SLC44A1: variants seen among roughly 807,000 people sequenced by gnomAD.
The protein encoded by SLC44A1 is solute carrier family 44 member 1.
A neutral mutation model predicts 79.3 loss-of-function variants in SLC44A1; 26 were observed. The ratio of observed to expected loss-of-function variants is 0.33; its 90% CI spans 0.24 to 0.46. The LOEUF is 0.46. SLC44A1 is among the 20% of genes least tolerant of loss of function. SLC44A1 has a pLI of 1.00. For synonymous variants in SLC44A1, 263 were observed against 286.2 expected (o/e 0.92, Z 0.82); for missense variants, 688 against 798.1 (o/e 0.86, Z 1.66).
chr9:105,388,572 A>G (rs980636329), intron 15 of SLC44A1, among the ~76,000 whole-genome samples: 2 of 152,238 alleles, frequency 1.3e-5, no homozygotes, highest in African/African-American at 2.4e-5. Flanking sequence ...CAGATCATTG[A>G]ACTAAACATG....
intron 1 of SLC44A1, among the ~76,000 whole-genome samples, chr9:105,246,497 A>AG: frequency 6.6e-6 from 1 of 151,830 alleles, no homozygotes; most frequent in South Asian, 2.1e-4. Context: ...GTAAAACTAT[A>AG]CGTAGAGGTG....
chr9:105,398,047 A>C (rs1828909398), downstream of SLC44A1, among the ~76,000 whole-genome samples: 1 of 152,232 alleles, frequency 6.6e-6, no homozygotes, highest in South Asian at 2.1e-4. Context: ...CCTGCACGTG[A>C]ATTGGAGCCT....
intron 15 of SLC44A1, among the ~76,000 whole-genome samples, chr9:105,409,409 G>A (rs542054650): frequency 1.3e-5 from 2 of 152,358 alleles, no homozygotes; most frequent in African/African-American, 4.8e-5. Context: ...TGTGGGCCAA[G>A]TGCAGTGGCT....
At chr9:105,418,580 A>G (rs1829205385) in intron 15 of SLC44A1, among the ~76,000 whole-genome samples, 1 of 152,162 alleles carries the variant, frequency 6.6e-6, no homozygotes, top group Admixed American at 6.5e-5. Flanking sequence ...ACAGTCATTA[A>G]CTAGCCCCCA....
intron 2 of SLC44A1, among the ~76,000 whole-genome samples, chr9:105,301,192 G>A (rs896547925): frequency 3.3e-5 from 5 of 152,168 alleles, no homozygotes; most frequent in African/African-American, 4.8e-5. Flanking sequence ...CATGCCACCC[G>A]AGGTGCTTTG....
At chr9:105,410,943 C>T (rs1588874665) in intron 15 of SLC44A1, among the ~76,000 whole-genome samples, 4 of 152,084 alleles carry the variant, frequency 2.6e-5, no homozygotes, top group East Asian at 1.9e-4. Flanking sequence ...CAAATGGCCA[C>T]ATATTGTATG....
intron 2 of SLC44A1, among the ~76,000 whole-genome samples, chr9:105,307,404 G>A (rs750522136): frequency 2.0e-5 from 3 of 152,146 alleles, no homozygotes; most frequent in Non-Finnish European, 4.4e-5. Flanking sequence ...AGCACTTTGG[G>A]AGGCCGAGGC....
At chr9:105,429,058 A>T (rs1829358830) in intron 15 of SLC44A1, among the ~76,000 whole-genome samples, 1 of 152,196 alleles carries the variant, frequency 6.6e-6, no homozygotes. Context: ...AGGAATACTC[A>T]CTTCAAACTT....
chr9:105,361,858 A>G (rs867873512), intron 8 of SLC44A1, among the ~76,000 whole-genome samples: 2 of 152,130 alleles, frequency 1.3e-5, no homozygotes, highest in African/African-American at 4.8e-5. Flanking sequence ...TTCTAGACCA[A>G]CCTGGGCAAG....
intron 12 of SLC44A1, among the ~76,000 whole-genome samples, chr9:105,368,173 A>C (rs1409752221): frequency 6.6e-6 from 1 of 151,918 alleles, no homozygotes; most frequent in African/African-American, 2.4e-5. Context: ...TCAGTGATTT[A>C]GTACCAACAA....
chr9:105,437,520 A>C (rs553502478), intron 15 of SLC44A1, among the ~76,000 whole-genome samples: 1 of 152,138 alleles, frequency 6.6e-6, no homozygotes, highest in Admixed American at 6.6e-5. Context: ...TATATAGTAT[A>C]TACCTAATAC....
chr9:105,373,719 C>T (rs1019706572), intron 12 of SLC44A1, among the ~76,000 whole-genome samples: 2 of 152,226 alleles, frequency 1.3e-5, no homozygotes, highest in Non-Finnish European at 2.9e-5. Context: ...GTGTTGGCCT[C>T]ACCCTCAGTT....
rs1047101276 is a variant in SLC44A1, at chr9:105,393,274, A to T, written c.*4218A>T. ...CCCTTTTGAAAAGTAGGCACTATTCATACACAGTAGCTTCTTGGAATTAAC... is the reference window on the plus strand; with the variant it reads ...CCCTTTTGAAAAGTAGGCACTATTCTTACACAGTAGCTTCTTGGAATTAAC... On this transcript the variant is annotated 3_prime_UTR_variant, in exon 16 of 16. Coordinates refer to ENST00000374720, the MANE Select transcript of SLC44A1 (RefSeq NM_080546.5). The T allele has an allele frequency of 3.0e-6, 3 of 985,380 alleles. No individual in the cohort carries two copies. The highest frequency in any genetic ancestry group is 3.6e-6 in the Non-Finnish European group (3 of 829,950). The allele number at this position is 985,380 out of a possible 1,614,324, so 61.0% of individuals were successfully genotyped here.
downstream of SLC44A1, among the ~76,000 whole-genome samples, chr9:105,401,124 T>C (rs1828952793): frequency 6.6e-6 from 1 of 152,204 alleles, no homozygotes; most frequent in Non-Finnish European, 1.5e-5. Flanking sequence ...ATCGGTTTAT[T>C]TGGCAAAATG....
At chr9:105,364,147 A>G (rs941690689) in intron 9 of SLC44A1, among the ~76,000 whole-genome samples, 2 of 152,228 alleles carry the variant, frequency 1.3e-5, no homozygotes, top group Admixed American at 1.3e-4. Flanking sequence ...TTATGTAACT[A>G]TGTAACTTAT....
intron 6 of SLC44A1, among the ~76,000 whole-genome samples, chr9:105,356,686 C>A (rs764552006): frequency 6.6e-6 from 1 of 151,728 alleles, no homozygotes; most frequent in Non-Finnish European, 1.5e-5. Context: ...AATCAACAAC[C>A]CTCTGTTTTT....
chr9:105,429,409 C>T (rs770863345), intron 15 of SLC44A1, among the ~76,000 whole-genome samples: 1 of 152,136 alleles, frequency 6.6e-6, no homozygotes, highest in Non-Finnish European at 1.5e-5. Context: ...CTCAAGCCAT[C>T]CTCCCACCTC....
chr9:105,422,434 G>A (rs146674457), intron 15 of SLC44A1, among the ~76,000 whole-genome samples: 48 of 151,910 alleles, frequency 3.2e-4, no homozygotes, highest in African/African-American at 7.7e-4. Flanking sequence ...AACTACAGGC[G>A]CGTGCCACCA....
intron 12 of SLC44A1, among the ~76,000 whole-genome samples, chr9:105,367,205 G>A (rs1306808398): frequency 1.3e-5 from 2 of 151,912 alleles, no homozygotes; most frequent in Non-Finnish European, 2.9e-5. Context: ...TCATCTAATA[G>A]GCCAGAGATA....
Sources: gnomAD v4.1 joint callset for allele counts (sites outside exome capture counted in the v4.1 genomes callset) on GRCh38, gnomAD v4.1.1 for gene constraint, MANE v1.5 for transcripts, NCBI Gene and HGNC (gene_info 2026-07-23, HGNC 2026-07-21) for gene names.